Variants in MBTD1 observed in about 807,000 individuals in gnomAD.
The protein encoded by MBTD1 is MBT domain-containing protein 1.
Under a neutral mutation model 87.8 loss-of-function variants are expected in MBTD1, and 24 were observed. That is an observed-to-expected ratio of 0.27 (90% CI 0.20 to 0.38). The LOEUF is 0.38. MBTD1 is among the 10% of genes least tolerant of loss of function. MBTD1 has a pLI of 1.00. For missense variants in MBTD1, 436 were observed against 760.2 expected, an observed-to-expected ratio of 0.57 and a Z score of 5.02; for synonymous variants, 237 against 248.6, an observed-to-expected ratio of 0.95 and a Z score of 0.44.
intron 16 of MBTD1, among the ~76,000 whole-genome samples, chr17:51,182,278 C>A (rs1384780605): frequency 6.6e-6 from 1 of 152,094 alleles, no homozygotes; most frequent in Non-Finnish European, 1.5e-5. Context: ...GTGTGTGCCA[C>A]CATGCCTGGC....
rs2050208881 is a variant in MBTD1 at position 51,179,490 on chromosome 17, A to ATATATATATATT, written c.*1085_*1086insAATATATATATA. ...AATACAATTAAAGACAATTTTATAT[A>ATATATATATATT]TATATATATATATATATATATATAT... On this transcript the variant is annotated 3_prime_UTR_variant, in exon 17 of 17. Coordinates refer to ENST00000586178, the MANE Select transcript of MBTD1 (RefSeq NM_017643.3). 1.7e-4 allele frequency: 4 copies of ATATATATATATT among 23,534 alleles called. No homozygotes were observed. The highest frequency in any genetic ancestry group is 1.6e-3 in the South Asian group (1 of 622). 1.5% of individuals were successfully genotyped at this position (23,534 alleles called of 1,614,324 possible). A position where few individuals can be genotyped will look rare whatever the true frequency, so the allele number is the denominator to read the frequency against.
chr17:51,187,177 C>T (rs976298691), intron 16 of MBTD1, among the ~76,000 whole-genome samples: 2 of 152,026 alleles, frequency 1.3e-5, no homozygotes, highest in Admixed American at 6.6e-5. Context: ...AATCCCAGCA[C>T]CTTGGGATGC....
At chr17:51,246,200 C>T (rs771356098) in intron 2 of MBTD1, among the ~76,000 whole-genome samples, 4 of 152,122 alleles carry the variant, frequency 2.6e-5, no homozygotes, top group Non-Finnish European at 4.4e-5. Context: ...AGTCTAAACA[C>T]GAAATTCACT....
At chr17:51,243,980 C>A (rs904609362) in intron 2 of MBTD1, among the ~76,000 whole-genome samples, 1 of 152,172 alleles carries the variant, frequency 6.6e-6, no homozygotes, top group Admixed American at 6.5e-5. Context: ...ACCAGAGTCA[C>A]AAGATTCCTA....
At chr17:51,221,483 A>G (rs2052886522) in intron 3 of MBTD1, among the ~76,000 whole-genome samples, 1 of 152,242 alleles carries the variant, frequency 6.6e-6, no homozygotes, top group Non-Finnish European at 1.5e-5. Context: ...AAGATAAACA[A>G]AAAGTAACAT....
chr17:51,258,273 T>C (rs940254317), intron 2 of MBTD1, among the ~76,000 whole-genome samples: 7 of 152,044 alleles, frequency 4.6e-5, no homozygotes, highest in Non-Finnish European at 1.0e-4. Context: ...CATTAGAGAG[T>C]AATAGGTATA....
chr17:51,246,886 C>A (rs1371175261), intron 2 of MBTD1, among the ~76,000 whole-genome samples: 1 of 152,048 alleles, frequency 6.6e-6, no homozygotes, highest in Non-Finnish European at 1.5e-5. Flanking sequence ...GTGATCCGCC[C>A]GCCTCAGCCT....
intron 6 of MBTD1, among the ~76,000 whole-genome samples, chr17:51,211,555 C>T (rs1057205363): frequency 6.6e-6 from 1 of 150,856 alleles, no homozygotes; most frequent in African/African-American, 2.4e-5. Context: ...TGTTAGAGTC[C>T]ACTGCTTTCC....
intron 6 of MBTD1, among the ~76,000 whole-genome samples, chr17:51,216,573 C>T (rs2052580769): frequency 6.6e-6 from 1 of 151,980 alleles, no homozygotes; most frequent in South Asian, 2.1e-4. Flanking sequence ...CTAATAGTTC[C>T]TTGTTTTTGT....
At position 51,180,508 on chromosome 17, in the gene MBTD1, A is replaced by G; in HGVS notation, c.*68T>C. The G allele has an allele frequency of 2.7e-6, 2 of 728,782 alleles. No individual in the cohort carries two copies. The highest frequency in any genetic ancestry group is 2.3e-6 in the Non-Finnish European group (1 of 444,218). 45.1% of individuals were successfully genotyped at this position (728,782 alleles called of 1,614,324 possible). On this transcript the variant is annotated 3_prime_UTR_variant, in exon 17 of 17. Transcript: ENST00000586178. ...GTCCCAGTAGAGTAGCCCCCTGTAC[A>G]GCTGGATTGATTATAAATCAGTCCT...
chr17:51,236,947 A>T (rs1450520458), intron 2 of MBTD1, among the ~76,000 whole-genome samples: 1 of 152,130 alleles, frequency 6.6e-6, no homozygotes, highest in Non-Finnish European at 1.5e-5. Context: ...AAATATTAAC[A>T]ATCTTGTGTT....
At chr17:51,254,228 G>A (rs1013765693) in intron 2 of MBTD1, among the ~76,000 whole-genome samples, 1 of 152,178 alleles carries the variant, frequency 6.6e-6, no homozygotes, top group African/African-American at 2.4e-5. Context: ...TTTAGCTCCT[G>A]CAGGCCTCTT....
intron 12 of MBTD1, among the ~76,000 whole-genome samples, chr17:51,198,211 T>A (rs528508907): frequency 6.6e-6 from 1 of 152,232 alleles, no homozygotes; most frequent in Non-Finnish European, 1.5e-5. Context: ...TTTGCTATCT[T>A]ATTTGATATA....
rs899197276 is a variant in MBTD1 at position 51,218,866 on chromosome 17, C to A, written c.403+64G>T. 9 of 963,048 alleles carry A rather than the reference C, an allele frequency of 9.3e-6. No individual in the cohort carries two copies. The African/African-American group carries it at 1.1e-4, about 12-fold the overall frequency. The allele number at this position is 963,048 out of a possible 1,614,324, so 59.7% of individuals were successfully genotyped here. Reference sequence around the variant, plus strand: ...TAAACAGAATTCAAAATTACAATGTCATTAATTAAAACTAAATGAATCAAT... The same window carrying A: ...TAAACAGAATTCAAAATTACAATGTAATTAATTAAAACTAAATGAATCAAT... On this transcript the variant is annotated intron_variant, in intron 5 of 16. Coordinates refer to ENST00000586178, the MANE Select transcript of MBTD1 (RefSeq NM_017643.3).
chr17:51,179,500 A>ATATATATT lies in MBTD1; in HGVS notation c.*1075_*1076insAATATATA, dbSNP rs1568135782. On this transcript the variant is annotated 3_prime_UTR_variant, in exon 17 of 17. Coordinates refer to ENST00000586178, the MANE Select transcript of MBTD1 (RefSeq NM_017643.3). ...AAGACAATTTTATATATATATATATATATATATATATATATATATATATAT... is the reference window on the plus strand; with the variant it reads ...AAGACAATTTTATATATATATATATATATATATTTATATATATATATATATATATATAT... 26 of 58,524 alleles carry ATATATATT rather than the reference A, an allele frequency of 4.4e-4. No homozygotes were observed. Among genetic ancestry groups the ATATATATT allele is most frequent in the Non-Finnish European group, 7.0e-4 (21 of 30,212 alleles). The allele number at this position is 58,524 out of a possible 1,614,324, so 3.6% of individuals were successfully genotyped here.
At position 51,201,335 on chromosome 17, in the gene MBTD1, TTAAA is replaced by T. The variant is rs148955622; in HGVS notation, c.1224+253_1224+256del. 2.3e-3 allele frequency among the ~76,000 whole-genome samples: 356 copies of T among 152,306 alleles called. 3 individuals carry two copies. Among genetic ancestry groups the T allele is most frequent in the African/African-American group, 7.7e-3 (319 of 41,562 alleles). On this transcript the variant is annotated intron_variant, in intron 12 of 16. Transcript: ENST00000586178. ...TGGACTAGCCTTGTCTAGAAGTAAC[TTAAA>T]TAAATATTTTTCCTCTAAATTAGGA...
In MBTD1 at chr17:51,203,235, T is replaced by C. The variant is rs768149996; in HGVS notation, c.740-7A>G. On this transcript the variant is annotated splice_region_variant and splice_polypyrimidine_tract_variant and intron_variant, in intron 8 of 16. Coordinates refer to ENST00000586178, the MANE Select transcript of MBTD1 (RefSeq NM_017643.3). ...GTATATTTATGCTGAATAGCTAAAA[T>C]AGAAGAAATAATCAGTTATACTTTA... The C allele has an allele frequency of 1.4e-5, 20 of 1,415,778 alleles. 1 individual carries two copies. Among genetic ancestry groups the C allele is most frequent in the African/African-American group, 4.3e-5 (3 of 69,480 alleles). The allele number at this position is 1,415,778 out of a possible 1,614,324, so 87.7% of individuals were successfully genotyped here. A position where few individuals can be genotyped will look rare whatever the true frequency, so the allele number is the denominator to read the frequency against.
intron 2 of MBTD1, among the ~76,000 whole-genome samples, chr17:51,228,713 C>T (rs61353781): frequency 0.018 from 2,752 of 151,008 alleles, 86 homozygotes; most frequent in African/African-American, 0.064. Context: ...GCCAATATGG[C>T]GAAACCCCAC....
intron 2 of MBTD1, among the ~76,000 whole-genome samples, chr17:51,242,849 T>C (rs1482402507): frequency 6.6e-6 from 1 of 152,186 alleles, no homozygotes; most frequent in Admixed American, 6.6e-5. Flanking sequence ...TCACATACTA[T>C]ATTCCTCTCT....
Sources: gnomAD v4.1 joint callset for allele counts (sites outside exome capture counted in the v4.1 genomes callset) on GRCh38, gnomAD v4.1.1 for gene constraint, MANE v1.5 for transcripts, NCBI Gene and HGNC (gene_info 2026-07-23, HGNC 2026-07-21) for gene names.